The following ASB2 variants were observed in gnomAD, a reference collection of about 807,000 sequenced individuals.
The protein encoded by ASB2 is ankyrin repeat and SOCS box containing 2, also known as ankyrin repeat and SOCS box protein 2.
In ASB2, 58 loss-of-function variants were observed where a neutral mutation model predicts 62.4. That is an observed-to-expected ratio of 0.93 (90% CI 0.75 to 1.16). The LOEUF is 1.16. Ranked by LOEUF, ASB2 falls within the 50% of genes most tolerant of loss-of-function variation. The pLI is 0.00. For missense variants in ASB2, 928 were observed against 887.9 expected (o/e 1.05, Z -0.57); for synonymous variants, 386 against 385.3 (o/e 1.00, Z -0.02).
intron 6 of ASB2, 36 bp from the exon 7 acceptor site, chr14:93,947,556 G>A (rs1888778616): frequency 6.2e-7 from 1 of 1,607,756 alleles, no homozygotes; most frequent in African/African-American, 1.3e-5. Context: ...GTGGCCAAGT[G>A]ACCGGGAAGT....
At chr14:93,951,285 C>G (rs1225359183) in intron 5 of ASB2, 41 bp from the exon 6 acceptor site, 2 of 1,559,540 alleles carry the variant, frequency 1.3e-6, no homozygotes, top group Non-Finnish European at 8.7e-7. Flanking sequence ...CAGGGCCTGG[C>G]AGGAACTGGC....
chr14:93,950,703 G>C (rs1033216923), intron 6 of ASB2, among the ~76,000 whole-genome samples: 2 of 152,132 alleles, frequency 1.3e-5, no homozygotes, highest in African/African-American at 4.8e-5. Context: ...CAGACTCCTC[G>C]TTTGTAAAAT....
intron 2 of ASB2, among the ~76,000 whole-genome samples, chr14:93,963,403 T>A (rs1889475610): frequency 7.1e-6 from 1 of 140,866 alleles, no homozygotes; most frequent in African/African-American, 2.7e-5. Flanking sequence ...GGGACGGGGG[T>A]GAGGAGCAAA....
chr14:93,938,105 T>C (rs1372330830), intron 8 of ASB2, among the ~76,000 whole-genome samples: 1 of 152,078 alleles, frequency 6.6e-6, no homozygotes. Flanking sequence ...CAAGGGGATT[T>C]AACATGAGAA....
In ASB2 at chr14:93,939,489, G is replaced by C. The variant is rs1436824778; in HGVS notation, c.1236C>G (p.Ser412Arg). Residue 412 changes from serine (S) to arginine (R), a missense_variant, in exon 8 of 10, where the codon AGC becomes AGG. Transcript: ENST00000555019. The stretch of plus-strand genomic sequence containing the variant: ...TGACCACCGCGAAGTACAGCGCGGA[G>C]CTGCGCCGGTCTTCGTAGAGGCGCG... ...ERARLYEDRR[S>R]SALYFAVVNN... 6.2e-7 allele frequency: 1 copy of C among 1,611,296 alleles called. No homozygotes were observed. The highest frequency in any genetic ancestry group is 1.1e-5 in the South Asian group (1 of 90,976).
In ASB2 at chr14:93,939,485, C is replaced by T. The variant is rs141743800; in HGVS notation, c.1240G>A (p.Ala414Thr). ...ARLYEDRRSS[A>T]LYFAVVNNNV... ...TTGTTGACCACCGCGAAGTACAGCG[C>T]GGAGCTGCGCCGGTCTTCGTAGAGG... Residue 414 changes from alanine (A) to threonine (T), a missense_variant, in exon 8 of 10, where the codon GCG becomes ACG. Transcript: ENST00000555019. 3 of 1,611,324 alleles carry T rather than the reference C, an allele frequency of 1.9e-6. No individual in the cohort carries two copies. The highest frequency in any genetic ancestry group is 2.5e-6 in the Non-Finnish European group (3 of 1,179,148).
intron 1 of ASB2, among the ~76,000 whole-genome samples, chr14:93,968,570 C>G (rs570193163): frequency 6.6e-6 from 1 of 152,212 alleles, no homozygotes; most frequent in African/African-American, 2.4e-5. Flanking sequence ...CAGATCTGTC[C>G]TCATCCAGCT....
rs78734165 is a variant in ASB2, at chr14:93,958,741, G to T, written c.207-1871C>A. Among the ~76,000 whole-genome samples the T allele has an allele frequency of 5.9e-3, 900 of 152,276 alleles. 14 individuals are homozygous for T. The highest frequency in any genetic ancestry group is 0.021 in the African/African-American group (870 of 41,548). ...GCAGGTGGAGGCAGCCTGGGGCCAG[G>T]CTCACCTCAGCTGTCTCCAGCCCTG... On this transcript the variant is annotated intron_variant, in intron 2 of 9. Coordinates refer to ENST00000555019, the MANE Select transcript of ASB2 (RefSeq NM_001202429.2).
At chr14:93,957,139 C>T (rs898891715) in intron 2 of ASB2, 38 of 1,350,340 alleles carry the variant, frequency 2.8e-5, no homozygotes, top group East Asian at 1.4e-4. Flanking sequence ...CCCCACCCCC[C>T]GGTCCCCCTC....
intron 2 of ASB2, among the ~76,000 whole-genome samples, chr14:93,963,251 CT>C: frequency 6.6e-6 from 1 of 152,242 alleles, no homozygotes; most frequent in Non-Finnish European, 1.5e-5. Flanking sequence ...GGTTAAGTGA[CT>C]TGCCTGAGGT....
chr14:93,958,155 C>T (rs914874058), intron 2 of ASB2, among the ~76,000 whole-genome samples: 6 of 152,232 alleles, frequency 3.9e-5, no homozygotes, highest in Admixed American at 6.5e-5. Flanking sequence ...TCCTCATCCT[C>T]GCCGCTGTCA....
At chr14:93,944,246 G>A (rs1253912330) in intron 7 of ASB2, 3 of 225,520 alleles carry the variant, frequency 1.3e-5, no homozygotes, top group Non-Finnish European at 2.8e-5. Flanking sequence ...AACTCACACA[G>A]TTTCTTAATA....
intron 2 of ASB2, among the ~76,000 whole-genome samples, chr14:93,962,822 C>T (rs1038972654): frequency 1.3e-5 from 2 of 152,192 alleles, no homozygotes; most frequent in African/African-American, 2.4e-5. Flanking sequence ...CTATCTGACC[C>T]CCTCCTGAGG....
In ASB2 at chr14:93,939,657, C is replaced by T; in HGVS notation, c.1068G>A (p.Leu356=). 1.3e-6 allele frequency: 2 copies of T among 1,505,396 alleles called. No individual in the cohort carries two copies. The highest frequency in any genetic ancestry group is 1.8e-6 in the Non-Finnish European group (2 of 1,134,426). 93.3% of individuals were successfully genotyped at this position (1,505,396 alleles called of 1,614,324 possible). A position where few individuals can be genotyped will look rare whatever the true frequency, so the allele number is the denominator to read the frequency against. ...KKGNYRIVQM[L]LPVTSRTRIR... ...TGCGCGTGCGGCTGGTCACCGGCAGCAGCATCTGCACGATCCTGCCGGGTC... is the reference window on the plus strand; with the variant it reads ...TGCGCGTGCGGCTGGTCACCGGCAGTAGCATCTGCACGATCCTGCCGGGTC... The change falls in exon 8 of 10, where the codon CTG becomes CTA. Residue 356 remains leucine, a synonymous_variant. Transcript: ENST00000555019.
intron 1 of ASB2, among the ~76,000 whole-genome samples, chr14:93,972,822 G>A (rs1889798182): frequency 6.6e-6 from 1 of 152,230 alleles, no homozygotes; most frequent in Non-Finnish European, 1.5e-5. Flanking sequence ...TCAAGCCTCT[G>A]GCTGCCCTGG....
At chr14:93,955,621 C>T (rs181176515) in intron 3 of ASB2, 26 of 169,066 alleles carry the variant, frequency 1.5e-4, no homozygotes, top group East Asian at 9.3e-4. Context: ...GTGGCCTTGG[C>T]GAGCAGGGCG....
At chr14:93,956,217 C>T (rs377582585) in intron 3 of ASB2, among the ~76,000 whole-genome samples, 5 of 152,156 alleles carry the variant, frequency 3.3e-5, no homozygotes, top group Admixed American at 6.5e-5. Context: ...TGGTGCCAGG[C>T]AAACAGAGCC....
At chr14:93,966,428 AAG>A (rs1660176211) in intron 1 of ASB2, among the ~76,000 whole-genome samples, 1 of 152,206 alleles carries the variant, frequency 6.6e-6, no homozygotes, top group South Asian at 2.1e-4. Flanking sequence ...TTTCTAATAA[AAG>A]AGAGAGTAGT....
chr14:93,939,443 C>G lies in ASB2; in HGVS notation c.1282G>C (p.Glu428Gln). The stretch of plus-strand genomic sequence containing the variant: ...TCGGCGCCGTGTTGCAGCAGCAGCT[C>G]GGTGGCGTACACGTTGTTGTTGACC... ...AVVNNNVYAT[E>Q]LLLQHGADPN... The change falls in exon 8 of 10, where the codon GAG becomes CAG. Residue 428 changes from glutamate (E) to glutamine (Q), a missense_variant. By Grantham distance (29) the Glu-to-Gln change is conservative. Transcript: ENST00000555019. 6.2e-7 allele frequency: 1 copy of G among 1,612,660 alleles called. No homozygotes were observed. The highest frequency in any genetic ancestry group is 8.5e-7 in the Non-Finnish European group (1 of 1,179,810).
Sources: allele counts gnomAD v4.1 joint callset (sites outside exome capture counted in the v4.1 genomes callset), GRCh38; gene constraint gnomAD v4.1.1; transcripts MANE v1.5; gene names NCBI Gene and HGNC (gene_info 2026-07-23, HGNC 2026-07-21).